PPM1H: variants seen among roughly 807,000 people sequenced by gnomAD.
PPM1H encodes the protein protein phosphatase, Mg2+/Mn2+ dependent 1H, also known as protein phosphatase 1H.
PPM1H carries 27 observed loss-of-function variants against 54.9 expected under a neutral mutation model. The ratio of observed to expected loss-of-function variants is 0.49; its 90% CI spans 0.36 to 0.68. The LOEUF is 0.68. PPM1H is among the 30% of genes least tolerant of loss of function. The pLI is 0.00. For synonymous variants in PPM1H, 305 were observed against 270.8 expected, an observed-to-expected ratio of 1.13 and a Z score of -1.24; for missense variants, 596 against 667.8, an observed-to-expected ratio of 0.89 and a Z score of 1.19.
At chr12:62,821,608 G>A in intron 2 of PPM1H, among the ~76,000 whole-genome samples, 1 of 152,164 alleles carries the variant, frequency 6.6e-6, no homozygotes, top group African/African-American at 2.4e-5. Context: ...AAGAGAGTGG[G>A]GGCCAATATT....
chr12:62,902,309 G>A (rs1452443396), intron 1 of PPM1H, among the ~76,000 whole-genome samples: 4 of 151,674 alleles, frequency 2.6e-5, no homozygotes, highest in African/African-American at 4.8e-5. Context: ...AGCCGAGATC[G>A]CACCATTGCA....
chr12:62,815,441 T>A (rs111317776), intron 2 of PPM1H, among the ~76,000 whole-genome samples: 3 of 152,314 alleles, frequency 2.0e-5, no homozygotes, highest in African/African-American at 7.2e-5. Flanking sequence ...AAGTACAAAG[T>A]TTATAACGGT....
At chr12:62,931,377 G>A (rs185673473) in intron 1 of PPM1H, among the ~76,000 whole-genome samples, 3 of 152,340 alleles carry the variant, frequency 2.0e-5, no homozygotes, top group Non-Finnish European at 4.4e-5. Context: ...GGAAAGGGCA[G>A]CATTACTGGT....
intron 3 of PPM1H, among the ~76,000 whole-genome samples, chr12:62,790,277 G>C (rs949619445): frequency 6.6e-5 from 10 of 152,174 alleles, no homozygotes; most frequent in African/African-American, 2.4e-4. Context: ...ATATCATATT[G>C]GTTAAAGAGC....
At chr12:62,683,065 T>C (rs2076031064) in intron 8 of PPM1H, among the ~76,000 whole-genome samples, 1 of 146,788 alleles carries the variant, frequency 6.8e-6, no homozygotes, top group Non-Finnish European at 1.5e-5. Flanking sequence ...TTATTATTAT[T>C]ATTATTATTA....
chr12:62,876,031 C>A (rs1249026643), intron 1 of PPM1H, among the ~76,000 whole-genome samples: 7 of 152,204 alleles, frequency 4.6e-5, no homozygotes, highest in Non-Finnish European at 8.8e-5. Context: ...GCCTGGCAGG[C>A]ACAAGCTGCA....
chr12:62,701,011 CT>C (rs1248791340), intron 6 of PPM1H, among the ~76,000 whole-genome samples: 2 of 152,070 alleles, frequency 1.3e-5, no homozygotes, highest in Admixed American at 1.3e-4. Flanking sequence ...TCTTCATGCC[CT>C]TTAAGTTCTA....
At chr12:62,878,626 TAAAAAAAAAAAAA>T (rs34587900) in intron 1 of PPM1H, among the ~76,000 whole-genome samples, 20 of 81,564 alleles carry the variant, frequency 2.5e-4, no homozygotes, top group East Asian at 6.7e-4. Context: ...TGATTACGCT[TAAAAAAAAAAAAA>T]AAAAAAAAAA....
At chr12:62,876,532 A>G (rs932334408) in intron 1 of PPM1H, among the ~76,000 whole-genome samples, 6 of 152,212 alleles carry the variant, frequency 3.9e-5, no homozygotes, top group African/African-American at 1.4e-4. Context: ...AAACCATGAC[A>G]CACGAGGATG....
chr12:62,849,356 C>A (rs1254645153), intron 1 of PPM1H, among the ~76,000 whole-genome samples: 1 of 152,154 alleles, frequency 6.6e-6, no homozygotes, highest in African/African-American at 2.4e-5. Flanking sequence ...CTCCCAACAA[C>A]AAGATAGATA....
At chr12:62,670,993 G>A (rs1273576612) in intron 8 of PPM1H, among the ~76,000 whole-genome samples, 1 of 152,080 alleles carries the variant, frequency 6.6e-6, no homozygotes, top group Non-Finnish European at 1.5e-5. Flanking sequence ...TTGGACTGCC[G>A]CGCAAGTCAT....
At chr12:62,773,149 A>AAAAAC (rs376689900) in intron 4 of PPM1H, among the ~76,000 whole-genome samples, 2,234 of 152,048 alleles carry the variant, frequency 0.015, 28 homozygotes, top group East Asian at 0.031. Flanking sequence ...TCCGTCTCAA[A>AAAAAC]AAAACAAAAC....
intron 2 of PPM1H, among the ~76,000 whole-genome samples, chr12:62,814,708 C>T (rs1293104897): frequency 6.6e-6 from 1 of 152,118 alleles, no homozygotes; most frequent in Non-Finnish European, 1.5e-5. Flanking sequence ...GCAGGAAAGG[C>T]CTATCACAAA....
intron 2 of PPM1H, among the ~76,000 whole-genome samples, chr12:62,808,217 C>T (rs578084390): frequency 6.6e-6 from 1 of 152,330 alleles, no homozygotes; most frequent in South Asian, 2.1e-4. Flanking sequence ...CCTTACTCCA[C>T]TCCTCTGTGA....
intron 5 of PPM1H, among the ~76,000 whole-genome samples, chr12:62,734,786 A>T (rs1427421659): frequency 6.6e-6 from 1 of 152,208 alleles, no homozygotes; most frequent in East Asian, 1.9e-4. Flanking sequence ...TCACGCTTGT[A>T]ACCCCCAGCA....
chr12:62,792,079 G>A (rs1003430319), intron 3 of PPM1H, among the ~76,000 whole-genome samples: 7 of 152,230 alleles, frequency 4.6e-5, no homozygotes, highest in Admixed American at 6.5e-5. Flanking sequence ...GCCGTCCACG[G>A]CAACAAATTC....
chr12:62,708,385 A>G (rs1328323687), intron 6 of PPM1H, among the ~76,000 whole-genome samples: 1 of 152,194 alleles, frequency 6.6e-6, no homozygotes, highest in Non-Finnish European at 1.5e-5. Flanking sequence ...AGAGGCCCCC[A>G]GGCCACCGCA....
chr12:62,833,188 T>C (rs1255548985), intron 1 of PPM1H, among the ~76,000 whole-genome samples: 1 of 152,084 alleles, frequency 6.6e-6, no homozygotes, highest in Non-Finnish European at 1.5e-5. Context: ...CCTGACAGAG[T>C]GAGTGTGGAG....
chr12:62,814,797 C>T (rs1480356757), intron 2 of PPM1H, among the ~76,000 whole-genome samples: 1 of 152,186 alleles, frequency 6.6e-6, no homozygotes, highest in African/African-American at 2.4e-5. Context: ...GCACTTTCTA[C>T]CCCGTCTCTC....
Sources: gnomAD v4.1 joint callset for allele counts (sites outside exome capture counted in the v4.1 genomes callset) on GRCh38, gnomAD v4.1.1 for gene constraint, MANE v1.5 for transcripts, NCBI Gene and HGNC (gene_info 2026-07-23, HGNC 2026-07-21) for gene names.